The following EYS variants were observed in gnomAD, a reference collection of about 807,000 sequenced individuals.
The protein encoded by EYS is EGF-like photoreceptor maintenance factor, also known as protein eyes shut homolog.
A neutral mutation model predicts 282.1 loss-of-function variants in EYS; 250 were observed. That is an observed-to-expected ratio of 0.89 (90% CI 0.80 to 0.98). EYS has a LOEUF of 0.98. EYS is among the 50% of genes least tolerant of loss of function. EYS has a pLI of 0.00. For synonymous variants in EYS, 1,355 were observed against 1,282.9 expected (o/e 1.06, Z -1.20); for missense variants, 4,016 against 3,709.0 (o/e 1.08, Z -2.15).
chr6:63,937,628 G>A (rs1006309451), intron 35 of EYS, among the ~76,000 whole-genome samples: 4 of 151,580 alleles, frequency 2.6e-5, no homozygotes, highest in Non-Finnish European at 4.4e-5. Context: ...TGATCCGCTC[G>A]CCTCGGCCTC....
At chr6:63,882,348 C>T (rs1295664101) in intron 35 of EYS, among the ~76,000 whole-genome samples, 2 of 152,144 alleles carry the variant, frequency 1.3e-5, no homozygotes, top group Admixed American at 1.3e-4. Flanking sequence ...TTGCCACAGG[C>T]AAAACTGTCA....
intron 35 of EYS, among the ~76,000 whole-genome samples, chr6:63,865,464 T>TC: frequency 1.8e-5 from 1 of 56,826 alleles, no homozygotes; most frequent in Non-Finnish European, 3.5e-5. Flanking sequence ...TAATCTTTTC[T>TC]TTTTTTTTTT....
At chr6:64,711,288 T>C (rs1359348753) in intron 22 of EYS, among the ~76,000 whole-genome samples, 3 of 152,214 alleles carry the variant, frequency 2.0e-5, no homozygotes, top group Non-Finnish European at 2.9e-5. Context: ...ATAGAAAATA[T>C]ATCTTTGTAT....
In EYS at chr6:65,475,839, T is replaced by C. The variant is rs1198678648; in HGVS notation, c.862+14755A>G. On this transcript the variant is annotated intron_variant, in intron 5 of 42. Transcript: ENST00000503581. ...AGCACTTTTCCCAGCTTTCTCTTCA[T>C]GGAGTAATTAAATTTATTCCATTTT... 7.2e-5 allele frequency among the ~76,000 whole-genome samples: 11 copies of C among 151,988 alleles called. No homozygotes were observed. In the South Asian group the frequency reaches 1.5e-3, roughly 20 times the overall value.
Position 65,665,292 on chromosome 6 carries a change from T to C in EYS, c.-447-25400A>G, listed in dbSNP as rs575004897. On this transcript the variant is annotated intron_variant, in intron 1 of 42. Coordinates refer to ENST00000503581, the MANE Select transcript of EYS (RefSeq NM_001142800.2). ...ATGAGATGTTCTTAAATCCCTCACA[T>C]AATTGCACCAGGAAGTATACTTTCT... Among the ~76,000 whole-genome samples the C allele has an allele frequency of 2.1e-3, 315 of 152,284 alleles. 1 individual carries two copies. The highest frequency in any genetic ancestry group is 7.3e-3 in the African/African-American group (303 of 41,586).
rs555010647 is a variant in EYS, at chr6:65,217,967, G to T, written c.2023+77896C>A. Among the ~76,000 whole-genome samples, 3 of 152,110 alleles carry T rather than the reference G, an allele frequency of 2.0e-5. No homozygotes were observed. The South Asian group carries it at 6.2e-4, about 32-fold the overall frequency. On this transcript the variant is annotated intron_variant, in intron 12 of 42. Coordinates refer to ENST00000503581, the MANE Select transcript of EYS (RefSeq NM_001142800.2). ...GAAGCACTGAGACCAACTATGAAAG[G>T]TTTTACATTGTCTCCATTGAGAGAT...
chr6:65,319,222 A>T (rs965362298), intron 11 of EYS, among the ~76,000 whole-genome samples: 2 of 147,574 alleles, frequency 1.4e-5, no homozygotes, highest in African/African-American at 4.9e-5. Context: ...AAAAAAAAAA[A>T]AAAAACAATT....
chr6:65,176,499 A>T lies in EYS; in HGVS notation c.2024-118772T>A, dbSNP rs184171123. Among the ~76,000 whole-genome samples, 197 of 151,430 alleles carry T rather than the reference A, an allele frequency of 1.3e-3. 3 individuals carry two copies. The highest frequency in any genetic ancestry group is 3.4e-3 in the Middle Eastern group (1 of 294). ...ACTTTTATATAATGACATTTTATTT[A>T]AAAAAAACTATAACAATAGTAAACT... On this transcript the variant is annotated intron_variant, in intron 12 of 42. Coordinates refer to ENST00000503581, the MANE Select transcript of EYS (RefSeq NM_001142800.2).
chr6:65,184,951 G>A (rs1394409644), intron 12 of EYS, among the ~76,000 whole-genome samples: 2 of 151,104 alleles, frequency 1.3e-5, no homozygotes, highest in African/African-American at 4.9e-5. Flanking sequence ...TAGATGCATA[G>A]CTACAATAAA....
intron 10 of EYS, among the ~76,000 whole-genome samples, chr6:65,338,922 C>G (rs1230530570): frequency 1.3e-5 from 2 of 151,108 alleles, no homozygotes; most frequent in Admixed American, 1.3e-4. Flanking sequence ...ATAAACAACT[C>G]TAGTTAAATA....
intron 11 of EYS, among the ~76,000 whole-genome samples, chr6:65,317,854 C>CTTTCTTTCT (rs1769350123): frequency 3.7e-5 from 2 of 54,106 alleles, no homozygotes; most frequent in Non-Finnish European, 7.2e-5. Context: ...TTCTTTCTTT[C>CTTTCTTTCT]TTTCTTTCTT....
chr6:65,595,173 C>G (rs1377343337), intron 2 of EYS, among the ~76,000 whole-genome samples: 5 of 151,972 alleles, frequency 3.3e-5, no homozygotes, highest in South Asian at 2.1e-4. Context: ...TTTGTAGGGA[C>G]ATGGATGAAG....
chr6:63,872,217 T>C (rs1378501855), intron 35 of EYS, among the ~76,000 whole-genome samples: 3 of 152,128 alleles, frequency 2.0e-5, no homozygotes, highest in Non-Finnish European at 4.4e-5. Context: ...CCCCATTATA[T>C]GGCTTCTTCT....
At chr6:65,596,826 G>A (rs1000322423) in intron 2 of EYS, among the ~76,000 whole-genome samples, 2 of 151,992 alleles carry the variant, frequency 1.3e-5, no homozygotes, top group Non-Finnish European at 2.9e-5. Context: ...TGATATGGAT[G>A]AAAAAGCATT....
intron 30 of EYS, among the ~76,000 whole-genome samples, chr6:64,258,551 G>A (rs576426119): frequency 6.6e-6 from 1 of 152,098 alleles, no homozygotes; most frequent in Admixed American, 6.6e-5. Flanking sequence ...AGACAAAACA[G>A]ATTCTAACAG....
At chr6:63,989,725 G>C (rs1212999579) in intron 34 of EYS, among the ~76,000 whole-genome samples, 1 of 151,174 alleles carries the variant, frequency 6.6e-6, no homozygotes, top group Admixed American at 6.6e-5. Flanking sequence ...CTTTCCCCGT[G>C]TTATGCTGCC....
At chr6:64,174,566 C>A (rs1287601508) in intron 31 of EYS, among the ~76,000 whole-genome samples, 1 of 151,428 alleles carries the variant, frequency 6.6e-6, no homozygotes, top group Non-Finnish European at 1.5e-5. Context: ...TTAAGGTTAA[C>A]CCTATACTAA....
intron 2 of EYS, among the ~76,000 whole-genome samples, chr6:65,539,460 G>C (rs1024545551): frequency 1.3e-5 from 2 of 152,036 alleles, no homozygotes; most frequent in Non-Finnish European, 1.5e-5. Flanking sequence ...ATATTGGACC[G>C]ATTCATTGAG....
intron 12 of EYS, among the ~76,000 whole-genome samples, chr6:65,191,780 C>A (rs1765647277): frequency 1.3e-5 from 2 of 151,822 alleles, no homozygotes; most frequent in African/African-American, 4.8e-5. Flanking sequence ...ACTTACCCTT[C>A]AATACAGCAT....
Sources: gnomAD v4.1 joint callset for allele counts (sites outside exome capture counted in the v4.1 genomes callset) on GRCh38, gnomAD v4.1.1 for gene constraint, MANE v1.5 for transcripts, NCBI Gene and HGNC (gene_info 2026-07-23, HGNC 2026-07-21) for gene names.